EPB41L4B: variants seen among roughly 807,000 people sequenced by gnomAD.
The protein encoded by EPB41L4B is erythrocyte membrane protein band 4.1 like 4B.
A neutral mutation model predicts 112.5 loss-of-function variants in EPB41L4B; 30 were observed. That is an observed-to-expected ratio of 0.27 (90% CI 0.20 to 0.36). The LOEUF is 0.36. Among genes scored for constraint, EPB41L4B ranks in the 10% least tolerant of loss-of-function variants. The pLI, the probability that EPB41L4B is intolerant of heterozygous loss-of-function variation, is 1.00. For missense variants in EPB41L4B, 1,024 were observed against 1,133.3 expected, an observed-to-expected ratio of 0.90 and a Z score of 1.38; for synonymous variants, 408 against 439.7, an observed-to-expected ratio of 0.93 and a Z score of 0.90.
chr9:109,308,427 GC>G (rs1222234000), intron 1 of EPB41L4B, among the ~76,000 whole-genome samples: 13 of 152,098 alleles, frequency 8.5e-5, no homozygotes, highest in African/African-American at 3.1e-4. Flanking sequence ...AGGACAAACG[GC>G]CTCACTTCTC....
At chr9:109,263,997 C>T (rs1285616562) in intron 5 of EPB41L4B, among the ~76,000 whole-genome samples, 1 of 151,982 alleles carries the variant, frequency 6.6e-6, no homozygotes, top group Non-Finnish European at 1.5e-5. Context: ...TCTAGAGTTA[C>T]ACAGCCTTTA....
intron 14 of EPB41L4B, 38 bp from the exon 15 acceptor site, chr9:109,243,720 T>G: frequency 6.3e-7 from 1 of 1,586,732 alleles, no homozygotes; most frequent in Non-Finnish European, 8.7e-7. Flanking sequence ...TTTGATGACC[T>G]TTTAATTTCA....
chr9:109,268,559 T>G, intron 2 of EPB41L4B, 126 bp from the exon 3 acceptor site: 1 of 817,198 alleles, frequency 1.2e-6, no homozygotes, highest in Non-Finnish European at 1.9e-6. Flanking sequence ...GATCATATCA[T>G]GGGTTCTTAG....
At position 109,301,454 on chromosome 9, in the gene EPB41L4B, A is replaced by C. The variant is rs61144636; in HGVS notation, c.306+18687T>G. On this transcript the variant is annotated intron_variant, in intron 1 of 25. Transcript: ENST00000374566. ...GGACTGGTGTACCCCACACTCCTCT[A>C]CCACTCAGCCCCTTCTCATCTCCCC... is the stretch of plus-strand genomic sequence containing the variant. Among the ~76,000 whole-genome samples the C allele has an allele frequency of 6.3e-3, 961 of 152,218 alleles. 24 individuals carry two copies. In the East Asian group the frequency reaches 0.094, roughly 15 times the overall value.
At chr9:109,299,127 C>T (rs1588224609) in intron 1 of EPB41L4B, among the ~76,000 whole-genome samples, 2 of 152,340 alleles carry the variant, frequency 1.3e-5, no homozygotes, top group South Asian at 4.1e-4. Context: ...GCAGTCACTA[C>T]ACAGGTCTAG....
intron 15 of EPB41L4B, chr9:109,241,243 C>A: frequency 2.0e-6 from 2 of 988,308 alleles, no homozygotes; most frequent in Non-Finnish European, 2.4e-6. Flanking sequence ...GGGGAAATGA[C>A]TCGTCCAGGC....
At chr9:109,191,765 TG>T (rs1187504539) in intron 22 of EPB41L4B, among the ~76,000 whole-genome samples, 1 of 152,160 alleles carries the variant, frequency 6.6e-6, no homozygotes, top group African/African-American at 2.4e-5. Flanking sequence ...GCCCTTTACT[TG>T]TTCCCTGAAA....
chr9:109,235,041 G>A (rs1834092246), intron 15 of EPB41L4B, among the ~76,000 whole-genome samples: 1 of 152,184 alleles, frequency 6.6e-6, no homozygotes, highest in East Asian at 1.9e-4. Context: ...AAGCCTCTGA[G>A]TCCCAATCGT....
chr9:109,240,078 T>C (rs759658695), intron 15 of EPB41L4B: 288 of 985,248 alleles, frequency 2.9e-4, no homozygotes, highest in Non-Finnish European at 3.4e-4. Flanking sequence ...CCAACTGTTC[T>C]GTTACCAAGG....
At chr9:109,238,230 G>A (rs534189621) in intron 15 of EPB41L4B, among the ~76,000 whole-genome samples, 4 of 152,144 alleles carry the variant, frequency 2.6e-5, no homozygotes, top group East Asian at 1.9e-4. Flanking sequence ...TCTACCTACC[G>A]GGGTTTCCAA....
At chr9:109,176,462 C>T in intron 25 of EPB41L4B, 89 bp downstream of exon 25, 2 of 1,390,782 alleles carry the variant, frequency 1.4e-6, no homozygotes, top group Non-Finnish European at 1.9e-6. Context: ...TAGGAAAGGC[C>T]TGTACGTGTC....
intron 2 of EPB41L4B, 29 bp from the exon 3 acceptor site, chr9:109,268,462 G>A (rs753939213): frequency 6.3e-7 from 1 of 1,597,332 alleles, no homozygotes; most frequent in Non-Finnish European, 8.5e-7. Context: ...GTTTCTTTAG[G>A]AATAGTTCAT....
At chr9:109,239,825 G>A in intron 15 of EPB41L4B, 2 of 985,448 alleles carry the variant, frequency 2.0e-6, no homozygotes, top group Non-Finnish European at 2.4e-6. Context: ...CTGCCAGGAA[G>A]AGCACAAGTA....
intron 1 of EPB41L4B, among the ~76,000 whole-genome samples, chr9:109,298,925 A>T (rs541565860): frequency 1.2e-3 from 187 of 152,324 alleles, no homozygotes; most frequent in African/African-American, 4.3e-3. Context: ...GAGTACCACC[A>T]GACCAGGCAC....
intron 2 of EPB41L4B, among the ~76,000 whole-genome samples, chr9:109,277,411 G>A (rs1400816998): frequency 6.6e-6 from 1 of 151,778 alleles, no homozygotes; most frequent in Non-Finnish European, 1.5e-5. Context: ...CTTCTCAGCA[G>A]GTGAGGCAAC....
chr9:109,192,668 A>G (rs1021103121), intron 21 of EPB41L4B, among the ~76,000 whole-genome samples: 1 of 152,152 alleles, frequency 6.6e-6, no homozygotes, highest in Non-Finnish European at 1.5e-5. Context: ...CTCTGAATGT[A>G]TAAAGAGAGA....
At chr9:109,283,147 A>C (rs1380235593) in intron 1 of EPB41L4B, among the ~76,000 whole-genome samples, 1 of 152,248 alleles carries the variant, frequency 6.6e-6, no homozygotes, top group East Asian at 1.9e-4. Flanking sequence ...GAGAAGAACA[A>C]GGAAGCAGCC....
chr9:109,286,404 A>G (rs1836280624), intron 1 of EPB41L4B, among the ~76,000 whole-genome samples: 1 of 152,182 alleles, frequency 6.6e-6, no homozygotes, highest in Non-Finnish European at 1.5e-5. Context: ...ATCTTTTCAA[A>G]TTCAGTATTC....
chr9:109,226,668 A>AAT (rs374639453), intron 15 of EPB41L4B, among the ~76,000 whole-genome samples: 13 of 125,384 alleles, frequency 1.0e-4, no homozygotes, highest in South Asian at 4.9e-4. Flanking sequence ...ATATATGAAG[A>AAT]ATATATATAT....
Sources: gnomAD v4.1 joint callset for allele counts (sites outside exome capture counted in the v4.1 genomes callset) on GRCh38, gnomAD v4.1.1 for gene constraint, MANE v1.5 for transcripts, NCBI Gene and HGNC (gene_info 2026-07-23, HGNC 2026-07-21) for gene names.